The following GLB1 variants were observed in gnomAD, a reference collection of about 807,000 sequenced individuals.
GLB1 encodes the protein beta-galactosidase.
In GLB1, 56 loss-of-function variants were observed where a neutral mutation model predicts 74.0. That is an observed-to-expected ratio of 0.76 (90% CI 0.61 to 0.94). The LOEUF is 0.94. GLB1 is among the 40% of genes least tolerant of loss of function. The pLI, the probability that GLB1 is intolerant of heterozygous loss-of-function variation, is 0.00. For missense variants in GLB1, 787 were observed against 845.5 expected, an observed-to-expected ratio of 0.93 and a Z score of 0.86; for synonymous variants, 323 against 323.6, an observed-to-expected ratio of 1.00 and a Z score of 0.02.
intron 10 of GLB1, chr3:33,045,258 A>G: frequency 1.6e-6 from 1 of 642,730 alleles, no homozygotes; most frequent in Non-Finnish European, 1.9e-6. Context: ...TTTTTTTTTT[A>G]GGTAAATAAA....
intron 12 of GLB1, 126 bp from the exon 13 acceptor site, chr3:33,018,687 C>T: frequency 2.0e-6 from 2 of 1,018,108 alleles, no homozygotes; most frequent in Non-Finnish European, 2.9e-6. Flanking sequence ...TCCTCCACCT[C>T]CCGAAAAAAT....
At chr3:33,073,833 GCCT>G (rs1409894953) in intron 1 of GLB1, among the ~76,000 whole-genome samples, 1 of 151,822 alleles carries the variant, frequency 6.6e-6, no homozygotes, top group African/African-American at 2.4e-5. Flanking sequence ...ATTCAGCGAG[GCCT>G]CGTCTCTACA....
At chr3:32,961,284 C>G in the GLB1 span, among the ~76,000 whole-genome samples, 1 of 152,180 alleles carries the variant, frequency 6.6e-6, no homozygotes. Context: ...TCCAAAATAC[C>G]TGGATGGTCT....
At chr3:33,063,605 G>A (rs1005683984) in intron 5 of GLB1, among the ~76,000 whole-genome samples, 3 of 152,030 alleles carry the variant, frequency 2.0e-5, no homozygotes, top group Admixed American at 6.5e-5. Flanking sequence ...AACCAAAAGG[G>A]GCAGAAAAGT....
chr3:33,080,174 G>A (rs972155450), intron 1 of GLB1, among the ~76,000 whole-genome samples: 1 of 151,956 alleles, frequency 6.6e-6, no homozygotes, highest in African/African-American at 2.4e-5. Context: ...CACAGTCTCA[G>A]CTCACTGCAA....
At chr3:33,082,061 C>G (rs944670541) in intron 1 of GLB1, among the ~76,000 whole-genome samples, 7 of 152,206 alleles carry the variant, frequency 4.6e-5, no homozygotes, top group African/African-American at 1.4e-4. Flanking sequence ...TCCTTCCCAA[C>G]AAGACTCAGG....
At chr3:33,024,977 G>A (rs889386066) in intron 10 of GLB1, among the ~76,000 whole-genome samples, 2 of 150,686 alleles carry the variant, frequency 1.3e-5, no homozygotes, top group African/African-American at 4.9e-5. Flanking sequence ...CGAAGTCTCG[G>A]TCTTGTTGCC....
chr3:33,047,133 A>AGG (rs1023754259), intron 9 of GLB1, among the ~76,000 whole-genome samples: 2 of 152,190 alleles, frequency 1.3e-5, no homozygotes, highest in Non-Finnish European at 2.9e-5. Context: ...ACAATCAATA[A>AGG]GCTTTCTACC....
chr3:32,985,630 T>C, the GLB1 span, among the ~76,000 whole-genome samples: 1 of 152,172 alleles, frequency 6.6e-6, no homozygotes, highest in Admixed American at 6.5e-5. Context: ...ATATATATTT[T>C]ATTTTATGCA....
intron 1 of GLB1, among the ~76,000 whole-genome samples, chr3:33,073,497 G>C (rs577823155): frequency 6.6e-6 from 1 of 151,974 alleles, no homozygotes; most frequent in African/African-American, 2.4e-5. Flanking sequence ...AGACCAGCCT[G>C]GCCAACATGG....
At chr3:33,061,536 G>A (rs6550202) in intron 5 of GLB1, 116,576 of 152,164 alleles carry the variant, frequency 0.77, 46,993 homozygotes, top group South Asian at 0.93. Context: ...ATATATAAAC[G>A]GTGTGGCGAT....
At position 33,014,143 on chromosome 3, in the gene GLB1, C is replaced by G. The variant is rs772573490; in HGVS notation, c.1647G>C (p.Pro549=). 1.2e-6 allele frequency: 2 copies of G among 1,613,980 alleles called. No homozygotes were observed. The highest frequency in any genetic ancestry group is 2.7e-5 in the African/African-American group (2 of 74,890). The change falls in exon 15 of 16, where the codon CCG becomes CCC. Residue 549 remains proline (P), a synonymous_variant. Transcript: ENST00000307363. ...WAHNSSNYTL[P]AFYMGNFSIP... ...TGGAGAAGTTCCCCATATAAAAGGC[C>G]GGGAGCGTGTAGTTGGATGAGTTGT...
chr3:32,984,534 T>C, the GLB1 span, among the ~76,000 whole-genome samples: 2 of 152,154 alleles, frequency 1.3e-5, no homozygotes, highest in Non-Finnish European at 2.9e-5. Context: ...TACCAGCACG[T>C]TGTGGGGCTG....
At chr3:33,091,815 A>T (rs908706339) in intron 1 of GLB1, 10 of 985,282 alleles carry the variant, frequency 1.0e-5, no homozygotes, top group Non-Finnish European at 1.2e-5. Flanking sequence ...CCAGCAGGAA[A>T]CCAGCCCAGC....
downstream of GLB1, among the ~76,000 whole-genome samples, chr3:32,995,246 T>C (rs1696288556): frequency 6.6e-6 from 1 of 152,058 alleles, no homozygotes; most frequent in African/African-American, 2.4e-5. Context: ...TCTCTGCTTG[T>C]CTCTAGGGCA....
downstream of GLB1, among the ~76,000 whole-genome samples, chr3:32,993,193 A>C (rs1228245460): frequency 6.6e-6 from 1 of 152,204 alleles, no homozygotes; most frequent in Non-Finnish European, 1.5e-5. Flanking sequence ...ATGAAAAAAA[A>C]CCCCACCTCG....
the GLB1 span, among the ~76,000 whole-genome samples, chr3:32,975,222 C>T: frequency 6.6e-6 from 1 of 152,136 alleles, no homozygotes; most frequent in Non-Finnish European, 1.5e-5. Flanking sequence ...GCTGAGACTA[C>T]AGGCATACAC....
chr3:33,067,151 C>T (rs1456999279), intron 4 of GLB1, among the ~76,000 whole-genome samples: 11 of 151,854 alleles, frequency 7.2e-5, no homozygotes, highest in Non-Finnish European at 2.9e-5. Context: ...TACAGGCATG[C>T]ACCACCACAC....
intron 1 of GLB1, chr3:33,094,210 G>A (rs1161993766): frequency 6.3e-7 from 1 of 1,582,030 alleles, no homozygotes; most frequent in East Asian, 2.2e-5. Flanking sequence ...TCTGCTCCTA[G>A]TAGGCTCCCC....
Sources: allele counts gnomAD v4.1 joint callset (sites outside exome capture counted in the v4.1 genomes callset), GRCh38; gene constraint gnomAD v4.1.1; transcripts MANE v1.5; gene names NCBI Gene and HGNC (gene_info 2026-07-23, HGNC 2026-07-21).